IL1RAPL1: variants seen among roughly 807,000 people sequenced by gnomAD.
The protein encoded by IL1RAPL1 is interleukin 1 receptor accessory protein like 1.
In IL1RAPL1, 3 loss-of-function variants were observed where a neutral mutation model predicts 48.4. The observed-to-expected ratio is 0.06, with a 90% CI of 0.03 to 0.16. The LOEUF (loss-of-function observed/expected upper bound fraction) is 0.16, where lower values mean the gene tolerates loss of function less well. Ranked by LOEUF, IL1RAPL1 falls within the 10% of genes least tolerant of loss-of-function variation. IL1RAPL1 has a pLI of 1.00. For missense variants in IL1RAPL1, 349 were observed against 530.6 expected, an observed-to-expected ratio of 0.66 and a Z score of 3.36; for synonymous variants, 185 against 187.7, an observed-to-expected ratio of 0.99 and a Z score of 0.12.
At chrX:29,213,896 T>C (rs1232612448) in intron 2 of IL1RAPL1, among the ~76,000 whole-genome samples, 8 of 112,153 alleles carry the variant, frequency 7.1e-5, no homozygotes, top group African/African-American at 2.6e-4. Flanking sequence ...ACTTGATTTA[T>C]TTTTAATGTT....
At chrX:29,652,458 G>A (rs1925549546) in intron 5 of IL1RAPL1, among the ~76,000 whole-genome samples, 1 of 110,967 alleles carries the variant, frequency 9.0e-6, no homozygotes, top group East Asian at 2.8e-4. Context: ...TTTAAGGAGG[G>A]ATACAGCATT....
chrX:28,921,219 C>T (rs1386717217), intron 2 of IL1RAPL1, among the ~76,000 whole-genome samples: 1 of 110,898 alleles, frequency 9.0e-6, no homozygotes, highest in Non-Finnish European at 1.9e-5. Flanking sequence ...AATGTGAATA[C>T]TCATAGTTCT....
chrX:29,670,524 A>C (rs1238690153), intron 6 of IL1RAPL1, among the ~76,000 whole-genome samples: 1 of 111,810 alleles, frequency 8.9e-6, no homozygotes, highest in Non-Finnish European at 1.9e-5. Flanking sequence ...AGAGAAATTC[A>C]ACCTTAATCT....
intron 6 of IL1RAPL1, among the ~76,000 whole-genome samples, chrX:29,824,302 A>G (rs774068303): frequency 1.8e-5 from 2 of 111,665 alleles, no homozygotes; most frequent in Non-Finnish European, 3.8e-5. Flanking sequence ...AAGTCAAACA[A>G]TGTGGATGTC....
chrX:28,719,983 C>A (rs776806546), intron 1 of IL1RAPL1, among the ~76,000 whole-genome samples: 2 of 110,652 alleles, frequency 1.8e-5, no homozygotes, highest in African/African-American at 6.6e-5. Flanking sequence ...TATTTAGTGA[C>A]TATATTCTAC....
intron 2 of IL1RAPL1, among the ~76,000 whole-genome samples, chrX:29,248,557 A>C: frequency 8.9e-6 from 1 of 112,867 alleles, no homozygotes; most frequent in East Asian, 2.8e-4. Flanking sequence ...ACTCATAGGA[A>C]AGGAAATTCA....
At chrX:29,054,577 A>G (rs1441886274) in intron 2 of IL1RAPL1, among the ~76,000 whole-genome samples, 1 of 111,272 alleles carries the variant, frequency 9.0e-6, no homozygotes, top group Non-Finnish European at 1.9e-5. Context: ...TGAGAGGAAA[A>G]TTTTTGTAAG....
intron 1 of IL1RAPL1, among the ~76,000 whole-genome samples, chrX:28,761,469 CCT>C (rs1936171083): frequency 8.9e-6 from 1 of 111,745 alleles, no homozygotes; most frequent in South Asian, 3.7e-4. Flanking sequence ...AGGCCATCAT[CCT>C]AAGTGAATTC....
At chrX:28,739,877 C>G (rs758196311) in intron 1 of IL1RAPL1, among the ~76,000 whole-genome samples, 1 of 110,959 alleles carries the variant, frequency 9.0e-6, no homozygotes, top group South Asian at 3.8e-4. Context: ...TGCCTAACCT[C>G]TTTGCTTCCA....
chrX:29,903,700 C>G (rs190593257), intron 6 of IL1RAPL1, among the ~76,000 whole-genome samples: 1 of 111,494 alleles, frequency 9.0e-6, no homozygotes, highest in Admixed American at 9.5e-5. Flanking sequence ...CTCTAAGACC[C>G]CTCAAATCAT....
chrX:29,557,926 C>T (rs1211972011), intron 5 of IL1RAPL1, among the ~76,000 whole-genome samples: 9 of 110,318 alleles, frequency 8.2e-5, no homozygotes, highest in African/African-American at 2.6e-4. Flanking sequence ...ATTTTCTTTA[C>T]GCATTTATCT....
At chrX:29,592,137 G>T (rs1316022770) in intron 5 of IL1RAPL1, among the ~76,000 whole-genome samples, 3 of 111,694 alleles carry the variant, frequency 2.7e-5, no homozygotes, top group African/African-American at 6.5e-5. Context: ...AATAAGAATT[G>T]TATGTTCTTG....
chrX:29,838,835 T>C (rs1448125752), intron 6 of IL1RAPL1, among the ~76,000 whole-genome samples: 1 of 112,133 alleles, frequency 8.9e-6, no homozygotes, highest in East Asian at 2.8e-4. Context: ...GTGGTTCTTC[T>C]GGTTTAGGCC....
At chrX:29,240,195 C>CACAT (rs1555979978) in intron 2 of IL1RAPL1, among the ~76,000 whole-genome samples, 2 of 27,226 alleles carry the variant, frequency 7.3e-5, no homozygotes, top group African/African-American at 4.2e-4. Context: ...CACACACACA[C>CACAT]ATATATATAT....
At chrX:29,463,729 C>G (rs1934829840) in intron 5 of IL1RAPL1, among the ~76,000 whole-genome samples, 1 of 111,688 alleles carries the variant, frequency 9.0e-6, no homozygotes, top group Non-Finnish European at 1.9e-5. Context: ...TATAGTTACT[C>G]CACTTAATAG....
At chrX:29,094,749 T>C (rs1158372466) in intron 2 of IL1RAPL1, among the ~76,000 whole-genome samples, 2 of 62,501 alleles carry the variant, frequency 3.2e-5, no homozygotes, top group Non-Finnish European at 5.3e-5. Context: ...CCAGCCTTGG[T>C]GACAAGAGTG....
At chrX:28,631,463 G>A (rs946735313) in intron 1 of IL1RAPL1, among the ~76,000 whole-genome samples, 6 of 112,144 alleles carry the variant, frequency 5.4e-5, no homozygotes, top group African/African-American at 1.9e-4. Context: ...ACTGTAATAA[G>A]TGCTCTAGGG....
At chrX:29,945,565 G>A (rs907526632) in intron 9 of IL1RAPL1, among the ~76,000 whole-genome samples, 2 of 112,194 alleles carry the variant, frequency 1.8e-5, no homozygotes, top group African/African-American at 6.5e-5. Context: ...TAGATTCAAT[G>A]GCCATTTATT....
At chrX:28,805,828 T>C (rs947766371) in intron 2 of IL1RAPL1, among the ~76,000 whole-genome samples, 1 of 110,740 alleles carries the variant, frequency 9.0e-6, no homozygotes, top group Non-Finnish European at 1.9e-5. Flanking sequence ...TATAAAAACA[T>C]CTTTATCCGT....
Sources: allele counts gnomAD v4.1 joint callset (sites outside exome capture counted in the v4.1 genomes callset), GRCh38; gene constraint gnomAD v4.1.1; transcripts MANE v1.5; gene names NCBI Gene and HGNC (gene_info 2026-07-23, HGNC 2026-07-21).